The following CCSER1 variants were observed in gnomAD, a reference collection of about 807,000 sequenced individuals.
CCSER1 encodes serine-rich coiled-coil domain-containing protein 1.
A neutral mutation model predicts 82.0 loss-of-function variants in CCSER1; 41 were observed. The observed-to-expected ratio is 0.50, with a 90% CI of 0.39 to 0.65. The LOEUF is 0.65. CCSER1 is among the 30% of genes least tolerant of loss of function. The pLI is 0.00. For missense variants in CCSER1, 1,119 were observed against 1,064.2 expected (o/e 1.05, Z -0.72); for synonymous variants, 414 against 383.9 (o/e 1.08, Z -0.92).
chr4:90,484,949 G>C (rs1043618210), intron 5 of CCSER1, among the ~76,000 whole-genome samples: 2 of 152,212 alleles, frequency 1.3e-5, no homozygotes, highest in African/African-American at 4.8e-5. Flanking sequence ...GCTGTCTTTT[G>C]TTTGTCTGTG....
intron 8 of CCSER1, among the ~76,000 whole-genome samples, chr4:90,830,614 A>G (rs1561211474): frequency 6.6e-6 from 1 of 152,110 alleles, no homozygotes; most frequent in Non-Finnish European, 1.5e-5. Flanking sequence ...ATTGCCACAG[A>G]CACAACTGCC....
chr4:90,193,091 G>A (rs1041409092), intron 1 of CCSER1, among the ~76,000 whole-genome samples: 5 of 152,006 alleles, frequency 3.3e-5, no homozygotes, highest in African/African-American at 1.2e-4. Context: ...ATTTTCTAAT[G>A]TTCATGATTA....
At chr4:90,752,259 CA>C (rs1374763762) in intron 7 of CCSER1, among the ~76,000 whole-genome samples, 6 of 152,118 alleles carry the variant, frequency 3.9e-5, no homozygotes, top group Admixed American at 1.3e-4. Context: ...AAAATGATTT[CA>C]AAACTCATGC....
chr4:90,192,197 G>A (rs1735757942), intron 1 of CCSER1, among the ~76,000 whole-genome samples: 1 of 151,950 alleles, frequency 6.6e-6, no homozygotes, highest in Non-Finnish European at 1.5e-5. Context: ...ATGGCAGCAG[G>A]CAAAGAGAGC....
intron 3 of CCSER1, among the ~76,000 whole-genome samples, chr4:90,376,763 A>G (rs1473920952): frequency 6.6e-6 from 1 of 152,154 alleles, no homozygotes; most frequent in Non-Finnish European, 1.5e-5. Context: ...TCCAAAAGTT[A>G]AGACACTGTA....
At chr4:91,177,048 A>G (rs1733464402) in intron 10 of CCSER1, among the ~76,000 whole-genome samples, 1 of 152,168 alleles carries the variant, frequency 6.6e-6, no homozygotes, top group Admixed American at 6.5e-5. Context: ...AATTTTGTCG[A>G]AGGCCTTTTC....
chr4:90,252,048 T>C (rs1321590089), intron 1 of CCSER1, among the ~76,000 whole-genome samples: 10 of 151,922 alleles, frequency 6.6e-5, no homozygotes, highest in Non-Finnish European at 1.0e-4. Flanking sequence ...GATAATGTTA[T>C]TGATGTGAGA....
At chr4:91,130,273 G>A (rs1235652878) in intron 10 of CCSER1, among the ~76,000 whole-genome samples, 1 of 151,760 alleles carries the variant, frequency 6.6e-6, no homozygotes, top group Non-Finnish European at 1.5e-5. Flanking sequence ...ATTAATTAAT[G>A]TTTCAGGAGC....
intron 10 of CCSER1, among the ~76,000 whole-genome samples, chr4:91,327,561 G>A (rs913762384): frequency 5.9e-5 from 9 of 152,192 alleles, no homozygotes; most frequent in African/African-American, 2.2e-4. Flanking sequence ...TGCCCTGGGG[G>A]CATTTTCCCC....
At chr4:91,327,223 A>C (rs1560591349) in intron 10 of CCSER1, among the ~76,000 whole-genome samples, 1 of 152,172 alleles carries the variant, frequency 6.6e-6, no homozygotes, top group Non-Finnish European at 1.5e-5. Flanking sequence ...CCCTGTAGCA[A>C]ACTTCTGCCT....
At chr4:91,087,434 T>G (rs1347165268) in intron 10 of CCSER1, among the ~76,000 whole-genome samples, 5 of 152,144 alleles carry the variant, frequency 3.3e-5, no homozygotes. Flanking sequence ...AAAGAGTGGC[T>G]CTTAAATCAT....
intron 10 of CCSER1, among the ~76,000 whole-genome samples, chr4:91,355,735 T>A (rs1748783046): frequency 6.6e-6 from 1 of 152,170 alleles, no homozygotes; most frequent in South Asian, 2.1e-4. Flanking sequence ...GGGCTTGTCA[T>A]CTTCTTTAGA....
At chr4:91,302,442 AT>A (rs1282639991) in intron 10 of CCSER1, among the ~76,000 whole-genome samples, 4 of 151,686 alleles carry the variant, frequency 2.6e-5, no homozygotes, top group African/African-American at 9.7e-5. Flanking sequence ...AGGCAAAACC[AT>A]TTTTTTTCTA....
At chr4:90,443,069 A>T (rs920314345) in intron 4 of CCSER1, among the ~76,000 whole-genome samples, 1 of 152,162 alleles carries the variant, frequency 6.6e-6, no homozygotes, top group Non-Finnish European at 1.5e-5. Flanking sequence ...TGTTTAACTT[A>T]ATTAGGCACA....
chr4:91,024,832 T>C (rs1464681847), intron 9 of CCSER1, among the ~76,000 whole-genome samples: 1 of 152,094 alleles, frequency 6.6e-6, no homozygotes, highest in African/African-American at 2.4e-5. Context: ...GGTATGACTT[T>C]AAAAAATTGA....
intron 10 of CCSER1, among the ~76,000 whole-genome samples, chr4:91,336,222 CTG>C: frequency 6.6e-6 from 1 of 152,214 alleles, no homozygotes; most frequent in African/African-American, 2.4e-5. Flanking sequence ...AGTTATATAT[CTG>C]TGTTGTTTCT....
At chr4:90,797,710 C>G (rs1756234967) in intron 7 of CCSER1, among the ~76,000 whole-genome samples, 1 of 152,110 alleles carries the variant, frequency 6.6e-6, no homozygotes, top group Non-Finnish European at 1.5e-5. Flanking sequence ...TGAGAAAGAT[C>G]TTATTTCTCC....
chr4:90,835,318 C>G (rs971866323), intron 8 of CCSER1, among the ~76,000 whole-genome samples: 1 of 151,926 alleles, frequency 6.6e-6, no homozygotes, highest in Non-Finnish European at 1.5e-5. Context: ...GCGACAGAGC[C>G]AAACTCCGTC....
chr4:90,847,594 C>G (rs759778421), intron 8 of CCSER1, among the ~76,000 whole-genome samples: 1 of 152,094 alleles, frequency 6.6e-6, no homozygotes, highest in Non-Finnish European at 1.5e-5. Context: ...CTTCACCAGA[C>G]TCATCTTTGT....
Sources: gnomAD v4.1 joint callset for allele counts (sites outside exome capture counted in the v4.1 genomes callset) on GRCh38, gnomAD v4.1.1 for gene constraint, MANE v1.5 for transcripts, NCBI Gene and HGNC (gene_info 2026-07-23, HGNC 2026-07-21) for gene names.